Variants in UNC13B observed in about 807,000 individuals in gnomAD.
UNC13B encodes unc-13 homolog B.
UNC13B carries 144 observed loss-of-function variants against 211.0 expected under a neutral mutation model. The ratio of observed to expected loss-of-function variants is 0.68; its 90% CI spans 0.60 to 0.78. UNC13B has a LOEUF of 0.78. UNC13B is among the 30% of genes least tolerant of loss of function. UNC13B has a pLI of 0.00. For missense variants in UNC13B, 1,777 were observed against 2,002.0 expected, an observed-to-expected ratio of 0.89 and a Z score of 2.14; for synonymous variants, 709 against 725.8, an observed-to-expected ratio of 0.98 and a Z score of 0.37.
chr9:35,335,789 A>G (rs1831621284), intron 11 of UNC13B, among the ~76,000 whole-genome samples: 2 of 151,496 alleles, frequency 1.3e-5, no homozygotes, highest in African/African-American at 4.9e-5. Context: ...TCCTGGGCTC[A>G]GGCAGACCTC....
In UNC13B at chr9:35,300,803, G is replaced by A. The variant is rs1829640644; in HGVS notation, c.1399G>A (p.Glu467Lys). 10 of 398,778 alleles carry A rather than the reference G, an allele frequency of 2.5e-5. No individual in the cohort carries two copies. In the Middle Eastern group the frequency reaches 3.1e-3, roughly 124 times the overall value. 24.7% of individuals were successfully genotyped at this position (398,778 alleles called of 1,614,324 possible). ...DTMDELQCLV[E>K]TVSEYLAEKE... ...AATGGATGAGCTTCAGTGTTTGGTA[G>A]AAACGGTGTCAGAATATTTAGCAGA... Residue 467 changes from glutamate to lysine, a missense_variant, in exon 9 of 40, where the codon GAA becomes AAA. Glu to Lys is a moderately conservative substitution (Grantham distance 56). Coordinates refer to ENST00000635942, the MANE Select transcript of UNC13B (RefSeq NM_001371189.2).
intron 11 of UNC13B, among the ~76,000 whole-genome samples, chr9:35,331,154 C>G (rs1831344967): frequency 6.6e-6 from 1 of 152,200 alleles, no homozygotes; most frequent in South Asian, 2.1e-4. Flanking sequence ...TCATTGCTGG[C>G]TGTTCCTCTG....
At position 35,301,607 on chromosome 9, in the gene UNC13B, A is replaced by G. The variant is rs1268255631; in HGVS notation, c.2203A>G (p.Ser735Gly). 2.5e-6 allele frequency: 1 copy of G among 398,806 alleles called. No homozygotes were observed. Among genetic ancestry groups the G allele is most frequent in the Non-Finnish European group, 4.4e-6 (1 of 225,970 alleles). 24.7% of individuals were successfully genotyped at this position (398,806 alleles called of 1,614,324 possible). ...SENLLSSQVTSEPSNLVSSAS... is the reference protein window; with the variant it reads ...SENLLSSQVTGEPSNLVSSAS... ...GAATTTGTTGTCCTCCCAAGTAACC[A>G]GTGAACCTTCAAACTTAGTTAGTTC... The change falls in exon 9 of 40, where the codon AGT becomes GGT. Residue 735 changes from serine to glycine, a missense_variant. Transcript: ENST00000635942.
intron 11 of UNC13B, among the ~76,000 whole-genome samples, chr9:35,321,499 G>C (rs1006690629): frequency 2.6e-5 from 4 of 152,158 alleles, no homozygotes; most frequent in African/African-American, 9.7e-5. Context: ...TTACAGGCAT[G>C]AGCCCTCATA....
At position 35,377,522 on chromosome 9, in the gene UNC13B, T is replaced by A; in HGVS notation, c.9890T>A (p.Ile3297Asn). Residue 3297 changes from isoleucine (I) to asparagine (N), a missense_variant, in exon 16 of 40, where the codon ATC becomes AAC. Physicochemically the swap from Ile to Asn is moderately radical, Grantham distance 149 (BLOSUM62 -3). Transcript: ENST00000635942. ...GCTGAGGACCGGACCCAGAACATTA[T>A]CATGGCCATGAAGGACCGCATGAAG... ...HGAEDRTQNIIMAMKDRMKIR... is the reference protein window; with the variant it reads ...HGAEDRTQNINMAMKDRMKIR... The A allele has an allele frequency of 1.2e-6, 2 of 1,614,186 alleles. No individual in the cohort carries two copies. The highest frequency in any genetic ancestry group is 1.7e-6 in the Non-Finnish European group (2 of 1,180,036).
chr9:35,253,932 A>T (rs1826663522), intron 6 of UNC13B, among the ~76,000 whole-genome samples: 1 of 152,036 alleles, frequency 6.6e-6, no homozygotes, highest in Non-Finnish European at 1.5e-5. Context: ...TTCCTGTTTC[A>T]CTGTTTCCTT....
chr9:35,169,346 C>A (rs1414633991), intron 1 of UNC13B, among the ~76,000 whole-genome samples: 1 of 152,136 alleles, frequency 6.6e-6, no homozygotes, highest in Non-Finnish European at 1.5e-5. Context: ...AGAGCCATCT[C>A]AAAAAGTTCA....
chr9:35,360,077 A>G (rs1468892133), intron 11 of UNC13B, among the ~76,000 whole-genome samples: 1 of 152,212 alleles, frequency 6.6e-6, no homozygotes, highest in Non-Finnish European at 1.5e-5. Context: ...TTCTTCCGAA[A>G]ATACTTTTTC....
intron 32 of UNC13B, 31 bp from the exon 33 acceptor site, chr9:35,398,851 G>A (rs1564198806): frequency 6.2e-7 from 1 of 1,602,622 alleles, no homozygotes. Flanking sequence ...TGTTTGGGGA[G>A]GGAAAGGCTA....
rs1206036917 is a variant in UNC13B at position 35,304,058 on chromosome 9, G to A, written c.4654G>A (p.Ala1552Thr). The A allele has an allele frequency of 2.5e-6, 1 of 398,586 alleles. No individual in the cohort carries two copies. The highest frequency in any genetic ancestry group is 2.1e-5 in the African/African-American group (1 of 48,582). The allele number at this position is 398,586 out of a possible 1,614,324, so 24.7% of individuals were successfully genotyped here. ...SLLTDSTGQY[A>T]YLFIPDSYQE... ...TCTCACTGATTCTACTGGGCAGTAT[G>A]CATATTTATTTATACCTGATTCTTA... Residue 1552 changes from alanine to threonine, a missense_variant, in exon 9 of 40, where the codon GCA becomes ACA. Ala to Thr is a moderately conservative substitution (Grantham distance 58). Coordinates refer to ENST00000635942, the MANE Select transcript of UNC13B (RefSeq NM_001371189.2).
chr9:35,235,847 G>A (rs1025958310), intron 3 of UNC13B, among the ~76,000 whole-genome samples: 1 of 152,202 alleles, frequency 6.6e-6, no homozygotes, highest in African/African-American at 2.4e-5. Context: ...TTGCCTATGG[G>A]TGGAAATTGG....
At chr9:35,335,903 C>T (rs1237110415) in intron 11 of UNC13B, among the ~76,000 whole-genome samples, 1 of 151,948 alleles carries the variant, frequency 6.6e-6, no homozygotes, top group Non-Finnish European at 1.5e-5. Flanking sequence ...ATGGGGGTCC[C>T]CCTATGTTGC....
At chr9:35,173,196 C>T (rs1312748547) in intron 1 of UNC13B, among the ~76,000 whole-genome samples, 2 of 152,026 alleles carry the variant, frequency 1.3e-5, no homozygotes, top group Non-Finnish European at 2.9e-5. Flanking sequence ...AAAGATGATT[C>T]GAAAGGCTAG....
chr9:35,237,501 T>C (rs1825578495), intron 4 of UNC13B, among the ~76,000 whole-genome samples: 1 of 152,092 alleles, frequency 6.6e-6, no homozygotes. Flanking sequence ...CTGAGCACAG[T>C]GAAAGCTGCT....
At chr9:35,184,417 A>G (rs1276692091) in intron 1 of UNC13B, among the ~76,000 whole-genome samples, 2 of 152,216 alleles carry the variant, frequency 1.3e-5, no homozygotes, top group Admixed American at 6.5e-5. Flanking sequence ...CAGCCTGGGC[A>G]ACACTGAGCA....
intron 7 of UNC13B, among the ~76,000 whole-genome samples, chr9:35,278,785 T>C (rs1242272309): frequency 6.6e-6 from 1 of 152,182 alleles, no homozygotes; most frequent in African/African-American, 2.4e-5. Flanking sequence ...TGTAAAAATG[T>C]ATGCTATGAA....
intron 11 of UNC13B, among the ~76,000 whole-genome samples, chr9:35,324,713 G>A (rs1480755311): frequency 6.6e-6 from 1 of 152,152 alleles, no homozygotes; most frequent in Non-Finnish European, 1.5e-5. Flanking sequence ...TCTGTCTTCA[G>A]TCTCTTTTCT....
At chr9:35,299,076 A>G (rs1397517966) in intron 8 of UNC13B, among the ~76,000 whole-genome samples, 3 of 152,164 alleles carry the variant, frequency 2.0e-5, no homozygotes, top group Non-Finnish European at 4.4e-5. Context: ...TACTAAAAAT[A>G]CAAAAATTAG....
intron 11 of UNC13B, chr9:35,364,500 C>T (rs1833643046): frequency 6.5e-7 from 1 of 1,535,386 alleles, no homozygotes; most frequent in South Asian, 1.2e-5. Context: ...AGGACTGACT[C>T]TACTAACCTT....
Sources: gnomAD v4.1 joint callset for allele counts (sites outside exome capture counted in the v4.1 genomes callset) on GRCh38, gnomAD v4.1.1 for gene constraint, MANE v1.5 for transcripts, NCBI Gene and HGNC (gene_info 2026-07-23, HGNC 2026-07-21) for gene names.